The following OSBPL5 variants were observed in gnomAD, a reference collection of about 807,000 sequenced individuals.
OSBPL5 encodes oxysterol-binding protein-related protein 5.
Under a neutral mutation model 111.2 loss-of-function variants are expected in OSBPL5, and 71 were observed. The observed-to-expected ratio is 0.64, with a 90% CI of 0.53 to 0.78. OSBPL5 has a LOEUF of 0.78. OSBPL5 is among the 30% of genes least tolerant of loss of function. The probability of loss-of-function intolerance (pLI) is 0.00; values close to 1 mark genes in which losing one functional copy is unlikely to be tolerated. For synonymous variants in OSBPL5, 549 were observed against 513.9 expected (o/e 1.07, Z -0.93); for missense variants, 1,210 against 1,189.3 (o/e 1.02, Z -0.26).
Position 3,162,997 on chromosome 11 carries a change from G to T in OSBPL5, c.-22+2219C>A, listed in dbSNP as rs926393706. ...ACCTGGCCCTTGGACTCCACAAGGG[G>T]AGCTGCACCTAACGGCTCCCTCCCC... On this transcript the variant is annotated intron_variant, in intron 1 of 21. Transcript: ENST00000263650. This position sits in a 1 kb window ranked among gnomAD's most constrained non-coding sequence, Gnocchi z 8.1. 4.6e-5 allele frequency among the ~76,000 whole-genome samples: 7 copies of T among 152,068 alleles called. No individual in the cohort carries two copies. The highest frequency in any genetic ancestry group is 1.0e-4 in the Non-Finnish European group (7 of 68,028).
At chr11:3,155,198 C>T (rs1174395384) in intron 1 of OSBPL5, among the ~76,000 whole-genome samples, 1 of 152,230 alleles carries the variant, frequency 6.6e-6, no homozygotes, top group African/African-American at 2.4e-5. Context: ...CCCCAGCAAG[C>T]TCACACACCG....
Position 3,092,366 on chromosome 11 carries a change from C to T in OSBPL5, c.2259+66G>A, listed in dbSNP as rs113239327. ...GGGAAGGGAGGAGTGAGGTGAGGAG[C>T]GAGGGGTGGTGGTGGCCACACGTGC... is the stretch of plus-strand genomic sequence containing the variant. On this transcript the variant is annotated intron_variant, in intron 19 of 21. Transcript: ENST00000263650. This position sits in a 1 kb window ranked among gnomAD's most constrained non-coding sequence, Gnocchi z 5.4. The T allele has an allele frequency of 0.19, 278,283 of 1,487,516 alleles. 27,783 individuals are homozygous for T. The highest frequency in any genetic ancestry group is 0.27 in the South Asian group (20,839 of 75,812). The allele number at this position is 1,487,516 out of a possible 1,614,324, so 92.1% of individuals were successfully genotyped here.
At chr11:3,135,754 C>T (rs1012353751) in intron 1 of OSBPL5, among the ~76,000 whole-genome samples, 2 of 152,216 alleles carry the variant, frequency 1.3e-5, no homozygotes, top group Non-Finnish European at 2.9e-5. Flanking sequence ...GGGTCCCACC[C>T]ACACCCAGAG....
intron 1 of OSBPL5, among the ~76,000 whole-genome samples, chr11:3,151,503 C>T (rs144327478): frequency 0.01 from 1,579 of 152,338 alleles, 23 homozygotes; most frequent in Non-Finnish European, 0.018. Flanking sequence ...CGCTTCCTGC[C>T]AGCACAGCTG....
chr11:3,133,564 G>C (rs902437663), intron 1 of OSBPL5, among the ~76,000 whole-genome samples: 2 of 152,230 alleles, frequency 1.3e-5, no homozygotes, highest in Admixed American at 1.3e-4. Context: ...CCATGCCCTG[G>C]GGGGCTGGCC....
Position 3,087,987 on chromosome 11 carries a change from C to A in OSBPL5, c.*218G>T, listed in dbSNP as rs551859793. On this transcript the variant is annotated 3_prime_UTR_variant, in exon 22 of 22. Transcript: ENST00000263650. Reference sequence around the variant, plus strand: ...TTTGGCTTTAGCATTAAGGCCAGCGCTGGGCGGAAGGCCCTGCAGAGAGGC... The same window carrying A: ...TTTGGCTTTAGCATTAAGGCCAGCGATGGGCGGAAGGCCCTGCAGAGAGGC... 4.9e-5 allele frequency: 21 copies of A among 431,946 alleles called. No homozygotes were observed. Among genetic ancestry groups the A allele is most frequent in the African/African-American group, 3.7e-4 (18 of 49,238 alleles). The allele number at this position is 431,946 out of a possible 1,614,324, so 26.8% of individuals were successfully genotyped here. A position where few individuals can be genotyped will look rare whatever the true frequency, so the allele number is the denominator to read the frequency against.
intron 6 of OSBPL5, 114 bp downstream of exon 6, chr11:3,120,307 T>A: frequency 7.5e-7 from 1 of 1,330,102 alleles, no homozygotes; most frequent in Non-Finnish European, 1.0e-6. Context: ...AGACACCTGC[T>A]CAAGGCCCCA....
In OSBPL5 at chr11:3,154,360, G is replaced by C. The variant is rs1267240980; in HGVS notation, c.-22+10856C>G. Among the ~76,000 whole-genome samples the C allele has an allele frequency of 6.6e-6, 1 of 152,218 alleles. No homozygotes were observed. The highest frequency in any genetic ancestry group is 1.5e-5 in the Non-Finnish European group (1 of 68,030). ...TCCTGGCCTCCCCGCCCACTTTGCCGGTGGGACAGAGTGGCTGACGGCGTG... is the reference window on the plus strand; with the variant it reads ...TCCTGGCCTCCCCGCCCACTTTGCCCGTGGGACAGAGTGGCTGACGGCGTG... On this transcript the variant is annotated intron_variant, in intron 1 of 21. Transcript: ENST00000263650. This position sits in a 1 kb window ranked among gnomAD's most constrained non-coding sequence, Gnocchi z 4.9.
Position 3,107,722 on chromosome 11 carries a change from A to G in OSBPL5, c.866+49T>C, listed in dbSNP as rs371310492. 86 of 1,597,390 alleles carry G rather than the reference A, an allele frequency of 5.4e-5. No individual in the cohort carries two copies. Among genetic ancestry groups the G allele is most frequent in the Non-Finnish European group, 6.5e-5 (76 of 1,174,068 alleles). Reference sequence around the variant, plus strand: ...TCCTCTCCCCTCTTCCTCGCCTACAAGGAGACCCCGTGAATCACCACCAGC... The same window carrying G: ...TCCTCTCCCCTCTTCCTCGCCTACAGGGAGACCCCGTGAATCACCACCAGC... On this transcript the variant is annotated intron_variant, in intron 8 of 21. Transcript: ENST00000263650. This position sits in a 1 kb window ranked among gnomAD's most constrained non-coding sequence, Gnocchi z 6.1.
Position 3,105,021 on chromosome 11 carries a change from C to T in OSBPL5, c.1060-644G>A, listed in dbSNP as rs1209434478. Among the ~76,000 whole-genome samples, 5 of 152,262 alleles carry T rather than the reference C, an allele frequency of 3.3e-5. 1 individual carries two copies. In the South Asian group the frequency reaches 1.0e-3, roughly 32 times the overall value. On this transcript the variant is annotated intron_variant, in intron 9 of 21. Transcript: ENST00000263650. This position sits in a 1 kb window ranked among gnomAD's most constrained non-coding sequence, Gnocchi z 5.2. ...CCCCTCATCTCTTCCTTTTCTGAGA[C>T]ATCTAACCCTCACCACAGCTCCAGA...
rs987783928 is a variant in OSBPL5, at chr11:3,142,218, C to T, written c.-21-13049G>A. Among the ~76,000 whole-genome samples, 1 of 152,232 alleles carries T rather than the reference C, an allele frequency of 6.6e-6. No individual in the cohort carries two copies. The highest frequency in any genetic ancestry group is 2.4e-5 in the African/African-American group (1 of 41,460). ...ACAGGCGTGAGCCACCGTGCCCGGC[C>T]GACAGCTGGTTTCTGAGGCCAAGAG... On this transcript the variant is annotated intron_variant, in intron 1 of 21. Transcript: ENST00000263650. This position sits in a 1 kb window ranked among gnomAD's most constrained non-coding sequence, Gnocchi z 7.1.
rs997725380 is a variant in OSBPL5 at position 3,109,927 on chromosome 11, G to A, written c.692-1982C>T. Among the ~76,000 whole-genome samples, 4 of 152,124 alleles carry A rather than the reference G, an allele frequency of 2.6e-5. No homozygotes were observed. Among genetic ancestry groups the A allele is most frequent in the African/African-American group, 4.8e-5 (2 of 41,432 alleles). ...AGGGGCTGCAGACACCTCTCCTCCCGAATGGTGGCCCACACCCTATCAGGG... is the reference window on the plus strand; with the variant it reads ...AGGGGCTGCAGACACCTCTCCTCCCAAATGGTGGCCCACACCCTATCAGGG... On this transcript the variant is annotated intron_variant, in intron 7 of 21. Coordinates refer to ENST00000263650, the MANE Select transcript of OSBPL5 (RefSeq NM_020896.4). The surrounding 1 kb of genome is among the most constrained non-coding windows in gnomAD (Gnocchi z 7.4).
intron 14 of OSBPL5, among the ~76,000 whole-genome samples, chr11:3,095,310 CAAAAAAA>C (rs60973769): frequency 9.5e-6 from 1 of 105,698 alleles, no homozygotes; most frequent in African/African-American, 3.5e-5. Context: ...GACTCTGTCT[CAAAAAAA>C]AAAAAAAAAA....
chr11:3,134,425 T>C (rs552004158), intron 1 of OSBPL5, among the ~76,000 whole-genome samples: 5 of 152,236 alleles, frequency 3.3e-5, no homozygotes, highest in Middle Eastern at 3.4e-3. Context: ...ACCTAGTGAC[T>C]AGGGTGGGGG....
At chr11:3,101,792 C>G in intron 12 of OSBPL5, 93 bp from the exon 13 acceptor site, 1 of 1,009,728 alleles carries the variant, frequency 9.9e-7, no homozygotes, top group Non-Finnish European at 1.5e-6. Flanking sequence ...CTGTCCCTGT[C>G]CCTGACGCCA....
At position 3,093,593 on chromosome 11, in the gene OSBPL5, A is replaced by G. The variant is rs1271517604; in HGVS notation, c.1880T>C (p.Val627Ala). ...GTGCTGCCTCAGCCTCTGTCTGCGGACCTCCCCGCTCGGGGTCCAGAAAAG... is the reference window on the plus strand; with the variant it reads ...GTGCTGCCTCAGCCTCTGTCTGCGGGCCTCCCCGCTCGGGGTCCAGAAAAG... The part of the protein sequence containing the change: ...SALFWTPSGE[V>A]RRQRLRQHTV... The change falls in exon 17 of 22, where the codon GTC becomes GCC. Residue 627 changes from valine to alanine, a missense_variant. Val to Ala is a moderately conservative substitution (Grantham distance 64). Coordinates refer to ENST00000263650, the MANE Select transcript of OSBPL5 (RefSeq NM_020896.4). The G allele has an allele frequency of 1.9e-6, 3 of 1,612,218 alleles. No homozygotes were observed. The highest frequency in any genetic ancestry group is 2.5e-6 in the Non-Finnish European group (3 of 1,179,872).
At position 3,120,761 on chromosome 11, in the gene OSBPL5, C is replaced by G; in HGVS notation, c.403-137G>C. On this transcript the variant is annotated intron_variant, in intron 5 of 21. Coordinates refer to ENST00000263650, the MANE Select transcript of OSBPL5 (RefSeq NM_020896.4). ...CCTTCCCCTCCCTCACTCCCCCACACCAGTTCGGAACTCACCCCTTCCTCA... is the reference window on the plus strand; with the variant it reads ...CCTTCCCCTCCCTCACTCCCCCACAGCAGTTCGGAACTCACCCCTTCCTCA... 3.4e-6 allele frequency: 3 copies of G among 878,408 alleles called. No individual in the cohort carries two copies. In the African/African-American group the frequency reaches 4.9e-5, roughly 14 times the overall value. 54.4% of individuals were successfully genotyped at this position (878,408 alleles called of 1,614,324 possible).
At chr11:3,123,000 T>C (rs1400841140) in intron 3 of OSBPL5, among the ~76,000 whole-genome samples, 1 of 152,182 alleles carries the variant, frequency 6.6e-6, no homozygotes, top group Non-Finnish European at 1.5e-5. Context: ...TCCTTGGCCA[T>C]TGCATGTGCC....
In OSBPL5 at chr11:3,092,977, C is replaced by G. The variant is rs559146402; in HGVS notation, c.2022G>C (p.Glu674Asp). ...CACGGGCCCGCTGCCGCTGTGCCTC[C>G]TCCAGTGCAAACTTCTCCTGTGTGG... The part of the protein sequence containing the change: ...HRATQEKFAL[E>D]EAQRQRARER... Residue 674 changes from glutamate (E) to aspartate (D), a missense_variant, in exon 18 of 22, where the codon GAG becomes GAC. Glu to Asp is a conservative substitution (Grantham distance 45). Transcript: ENST00000263650. The surrounding 1 kb of genome is among the most constrained non-coding windows in gnomAD (Gnocchi z 5.4). 1.9e-6 allele frequency: 3 copies of G among 1,603,782 alleles called. No individual in the cohort carries two copies. The highest frequency in any genetic ancestry group is 2.2e-5 in the East Asian group (1 of 44,554).
Sources: allele counts gnomAD v4.1 joint callset (sites outside exome capture counted in the v4.1 genomes callset), GRCh38; gene constraint gnomAD v4.1.1; non-coding constraint Gnocchi (gnomAD v3.1); transcripts MANE v1.5; gene names NCBI Gene and HGNC (gene_info 2026-07-23, HGNC 2026-07-21).